The following GPHN variants were observed in gnomAD, a reference collection of about 807,000 sequenced individuals.
The protein encoded by GPHN is gephyrin.
Under a neutral mutation model 95.5 loss-of-function variants are expected in GPHN, and 17 were observed. That is an observed-to-expected ratio of 0.18 (90% CI 0.12 to 0.27). GPHN has a LOEUF of 0.27. Ranked by LOEUF, GPHN falls within the 10% of genes least tolerant of loss-of-function variation. GPHN has a pLI of 1.00. For synonymous variants in GPHN, 320 were observed against 322.5 expected (o/e 0.99, Z 0.08); for missense variants, 660 against 978.1 (o/e 0.67, Z 4.34).
the GPHN span, among the ~76,000 whole-genome samples, chr14:67,433,683 T>C: frequency 1.3e-5 from 2 of 152,086 alleles, no homozygotes; most frequent in Admixed American, 1.3e-4. Context: ...AAAAAAGCAG[T>C]CATCACTATA....
At chr14:67,448,632 G>C in the GPHN span, among the ~76,000 whole-genome samples, 2 of 151,996 alleles carry the variant, frequency 1.3e-5, no homozygotes, top group East Asian at 3.9e-4. Context: ...TGGAGGGATG[G>C]TGGGGGGCTG....
the GPHN span, chr14:67,615,997 A>G: frequency 3.5e-6 from 1 of 285,354 alleles, no homozygotes; most frequent in Non-Finnish European, 6.9e-6. Flanking sequence ...GCAGCCAAAA[A>G]GGGAGTTGTT....
At chr14:67,603,979 C>T in the GPHN span, among the ~76,000 whole-genome samples, 1 of 152,150 alleles carries the variant, frequency 6.6e-6, no homozygotes, top group East Asian at 1.9e-4. Context: ...CCGCTCCCAG[C>T]CCTGCCCTTG....
intron 5 of GPHN, among the ~76,000 whole-genome samples, chr14:66,905,465 C>T (rs2065334051): frequency 6.6e-6 from 1 of 151,956 alleles, no homozygotes; most frequent in Admixed American, 6.6e-5. Flanking sequence ...ATCATGGTTT[C>T]CTGTTTACTA....
At chr14:66,870,216 AAC>A (rs997862846) in intron 4 of GPHN, among the ~76,000 whole-genome samples, 3 of 152,226 alleles carry the variant, frequency 2.0e-5, no homozygotes, top group African/African-American at 7.2e-5. Context: ...TATTGAAAAG[AAC>A]AGTTTGTATC....
At chr14:67,673,639 T>C in the GPHN span, among the ~76,000 whole-genome samples, 6 of 152,198 alleles carry the variant, frequency 3.9e-5, no homozygotes, top group African/African-American at 1.2e-4. Context: ...TGACCTTGAG[T>C]AATTCGTTGA....
chr14:67,201,029 C>G, the GPHN span, among the ~76,000 whole-genome samples: 1 of 152,188 alleles, frequency 6.6e-6, no homozygotes, highest in Non-Finnish European at 1.5e-5. Context: ...GGTGCAGTGG[C>G]TCATGGCTAT....
the GPHN span, among the ~76,000 whole-genome samples, chr14:67,696,416 C>G: frequency 2.6e-5 from 4 of 152,162 alleles, no homozygotes; most frequent in Non-Finnish European, 5.9e-5. Flanking sequence ...TAAACCCTTC[C>G]TCCTCGAGGA....
chr14:66,746,973 A>G (rs1391449242), intron 2 of GPHN, among the ~76,000 whole-genome samples: 1 of 152,076 alleles, frequency 6.6e-6, no homozygotes, highest in Non-Finnish European at 1.5e-5. Context: ...GGAGAGGGGG[A>G]AACAAAATAA....
chr14:67,473,156 C>T, the GPHN span: 17 of 500,060 alleles, frequency 3.4e-5, no homozygotes, highest in South Asian at 1.1e-4. The surrounding 1 kb of genome is among the most constrained non-coding windows in gnomAD (Gnocchi z 6.5). Flanking sequence ...AGCCACAGGC[C>T]TCCTGGTACC....
chr14:67,199,054 C>T, the GPHN span: 2 of 783,918 alleles, frequency 2.6e-6, no homozygotes, highest in East Asian at 2.6e-5. Context: ...GGCAGGAGCT[C>T]TTTTGCCATG....
At chr14:67,364,222 T>G in the GPHN span, 2 of 152,184 alleles carry the variant, frequency 1.3e-5, no homozygotes. Flanking sequence ...TAAAATTTTT[T>G]TAGTTTTTGT....
At chr14:66,720,919 C>G (rs556856398) in intron 2 of GPHN, among the ~76,000 whole-genome samples, 4 of 152,040 alleles carry the variant, frequency 2.6e-5, no homozygotes, top group Non-Finnish European at 5.9e-5. Context: ...TATAAATATC[C>G]TAAGAGAAAA....
the GPHN span, among the ~76,000 whole-genome samples, chr14:67,425,255 TA>T: frequency 9.2e-5 from 14 of 152,236 alleles, no homozygotes; most frequent in East Asian, 2.7e-3. Context: ...GCCTAATTTT[TA>T]AAAATTTTTG....
chr14:66,985,732 C>T, intron 9 of GPHN: 1 of 1,523,416 alleles, frequency 6.6e-7, no homozygotes, highest in Non-Finnish European at 8.8e-7. Context: ...GAGTTGGATC[C>T]CTCAAAGTAA....
the GPHN span, among the ~76,000 whole-genome samples, chr14:67,723,856 G>A: frequency 6.6e-6 from 1 of 152,224 alleles, no homozygotes; most frequent in Non-Finnish European, 1.5e-5. Context: ...TCTGCACAGA[G>A]GTCTGAACAA....
chr14:67,554,149 C>CT, the GPHN span, among the ~76,000 whole-genome samples: 1 of 152,196 alleles, frequency 6.6e-6, no homozygotes, highest in African/African-American at 2.4e-5. Flanking sequence ...GAAGGCCACC[C>CT]TGAGCAAAGA....
the GPHN span, among the ~76,000 whole-genome samples, chr14:67,221,523 A>C: frequency 6.6e-6 from 1 of 152,266 alleles, no homozygotes; most frequent in Non-Finnish European, 1.5e-5. Flanking sequence ...AGATATAATA[A>C]GAATAGATTA....
At chr14:67,173,405 C>A (rs2082711872) in intron 21 of GPHN, among the ~76,000 whole-genome samples, 1 of 152,184 alleles carries the variant, frequency 6.6e-6, no homozygotes, top group Non-Finnish European at 1.5e-5. Flanking sequence ...ACCACCACTT[C>A]CACAAACTTC....
Sources: allele counts gnomAD v4.1 joint callset (sites outside exome capture counted in the v4.1 genomes callset), GRCh38; gene constraint gnomAD v4.1.1; non-coding constraint Gnocchi (gnomAD v3.1); transcripts MANE v1.5; gene names NCBI Gene and HGNC (gene_info 2026-07-23, HGNC 2026-07-21).